Variants in OR52N4 observed in about 807,000 individuals in gnomAD.
OR52N4 encodes the protein olfactory receptor family 52 subfamily N member 4, also known as olfactory receptor 52N4.
Under a neutral mutation model 15.0 loss-of-function variants are expected in OR52N4, and 15 were observed. That is an observed-to-expected ratio of 1.00 (90% CI 0.67 to 1.54). The LOEUF (loss-of-function observed/expected upper bound fraction) is 1.54. OR52N4 is among the 40% of genes most tolerant of loss of function. OR52N4 has a pLI of 0.00. For synonymous variants in OR52N4, 143 were observed against 143.7 expected, an observed-to-expected ratio of 1.00 and a Z score of 0.03; for missense variants, 421 against 394.0, an observed-to-expected ratio of 1.07 and a Z score of -0.58.
the OR52N4 span, among the ~76,000 whole-genome samples, chr11:5,742,865 T>C: frequency 6.6e-6 from 1 of 152,028 alleles, no homozygotes; most frequent in African/African-American, 2.4e-5. Context: ...ACAATGAACA[T>C]CATGACAAGA....
chr11:5,733,445 C>T, the OR52N4 span, among the ~76,000 whole-genome samples: 1 of 152,146 alleles, frequency 6.6e-6, no homozygotes, highest in African/African-American at 2.4e-5. Context: ...CCCACCCCAA[C>T]ACACACACCA....
the OR52N4 span, among the ~76,000 whole-genome samples, chr11:5,745,669 C>A: frequency 1.3e-5 from 2 of 152,116 alleles, no homozygotes; most frequent in Non-Finnish European, 2.9e-5. Flanking sequence ...TTACCAATAT[C>A]ATTTTTCACA....
the OR52N4 span, among the ~76,000 whole-genome samples, chr11:5,748,813 C>G: frequency 6.6e-6 from 1 of 151,994 alleles, no homozygotes; most frequent in Non-Finnish European, 1.5e-5. Context: ...AGTATTAAAT[C>G]CTAGTCTTTA....
Position 5,754,918 on chromosome 11 carries a change from C to A in OR52N4, c.178C>A (p.Pro60Thr), listed in dbSNP as rs750704734. 6.8e-6 allele frequency: 11 copies of A among 1,613,694 alleles called. No individual in the cohort carries two copies. The highest frequency in any genetic ancestry group is 9.3e-6 in the Non-Finnish European group (11 of 1,179,794). The change falls in exon 2 of 2, where the codon CCC becomes ACC. Residue 60 changes from proline to threonine, a missense_variant. Transcript: ENST00000641350. Reference protein sequence around the residue: ...LIHYEDALHKPMYYFLAMLSF... With the variant: ...LIHYEDALHKTMYYFLAMLSF... ...TCACTATGAGGATGCCCTGCACAAA[C>A]CCATGTACTACTTCTTGGCCATGCT...
At chr11:5,737,580 T>A in the OR52N4 span, 2 of 1,185,366 alleles carry the variant, frequency 1.7e-6, no homozygotes, top group Non-Finnish European at 2.3e-6. Context: ...GTGAATACCT[T>A]TGGGATTCCC....
chr11:5,752,818 C>G (rs1309398893), upstream of OR52N4, among the ~76,000 whole-genome samples: 2 of 152,098 alleles, frequency 1.3e-5, no homozygotes, highest in African/African-American at 4.8e-5. Flanking sequence ...CTCTCTCTCA[C>G]TTTTTAAAAA....
At chr11:5,736,472 T>C in the OR52N4 span, 8 of 1,576,760 alleles carry the variant, frequency 5.1e-6, no homozygotes, top group African/African-American at 8.1e-5. Flanking sequence ...CAACCTGTGA[T>C]AACTGAGAAC....
the OR52N4 span, among the ~76,000 whole-genome samples, chr11:5,730,057 T>G: frequency 3.9e-5 from 6 of 152,156 alleles, 1 homozygote; most frequent in South Asian, 1.2e-3. Context: ...TAAATGAAAG[T>G]TCATGAAAAA....
the OR52N4 span, among the ~76,000 whole-genome samples, chr11:5,745,899 T>C: frequency 2.0e-5 from 3 of 152,142 alleles, no homozygotes; most frequent in African/African-American, 7.2e-5. Context: ...CCAAAATGCA[T>C]GGTAACAACA....
At chr11:5,733,326 A>C in the OR52N4 span, among the ~76,000 whole-genome samples, 22 of 152,230 alleles carry the variant, frequency 1.4e-4, no homozygotes, top group African/African-American at 5.3e-4. Context: ...TTGTTGTTAC[A>C]CTGAGATTAC....
chr11:5,746,122 C>T, the OR52N4 span, among the ~76,000 whole-genome samples: 15 of 152,120 alleles, frequency 9.9e-5, no homozygotes, highest in Admixed American at 9.2e-4. Context: ...GAGCCTGAAC[C>T]TCTATCTCTC....
the OR52N4 span, among the ~76,000 whole-genome samples, chr11:5,731,302 A>G: frequency 6.6e-6 from 1 of 152,218 alleles, no homozygotes; most frequent in Non-Finnish European, 1.5e-5. Flanking sequence ...TCCACTTCTC[A>G]TTCATTGTAA....
upstream of OR52N4, among the ~76,000 whole-genome samples, chr11:5,751,526 T>C (rs564246937): frequency 7.2e-5 from 11 of 152,232 alleles, 1 homozygote; most frequent in East Asian, 1.5e-3. Flanking sequence ...ATTGTGGCTT[T>C]GCCATTACTT....
rs1262099769 is a variant in OR52N4 at position 5,755,849 on chromosome 11, T to C, written c.*143T>C. On this transcript the variant is annotated 3_prime_UTR_variant, in exon 2 of 2. Coordinates refer to ENST00000641350, the MANE Select transcript of OR52N4 (RefSeq NM_001005175.5). The stretch of plus-strand genomic sequence containing the variant: ...ACTGGTGCATTCTCAATAAGTACCT[T>C]GGGAATCTCAACATCATTGGAAGGC... The C allele has an allele frequency of 7.1e-6, 7 of 991,118 alleles. No individual in the cohort carries two copies. Among genetic ancestry groups the C allele is most frequent in the Non-Finnish European group, 1.0e-5 (7 of 695,316 alleles). The allele number at this position is 991,118 out of a possible 1,614,324, so 61.4% of individuals were successfully genotyped here. A position where few individuals can be genotyped will look rare whatever the true frequency, so the allele number is the denominator to read the frequency against.
chr11:5,734,030 A>G, the OR52N4 span: 1 of 346,058 alleles, frequency 2.9e-6, no homozygotes, highest in Non-Finnish European at 5.7e-6. Context: ...CATGTCTGCA[A>G]ATGAGATCTA....
chr11:5,744,548 A>G, the OR52N4 span, among the ~76,000 whole-genome samples: 1 of 152,220 alleles, frequency 6.6e-6, no homozygotes, highest in East Asian at 1.9e-4. Flanking sequence ...AGGTAGTTCA[A>G]CAAATGCAAA....
At chr11:5,731,729 C>A in the OR52N4 span, among the ~76,000 whole-genome samples, 19 of 152,118 alleles carry the variant, frequency 1.2e-4, no homozygotes, top group Admixed American at 1.2e-3. Context: ...AAGTGGCTCT[C>A]ATCACCCCTC....
chr11:5,748,137 A>C, the OR52N4 span, among the ~76,000 whole-genome samples: 1 of 151,922 alleles, frequency 6.6e-6, no homozygotes, highest in Non-Finnish European at 1.5e-5. Context: ...GAAATGGACT[A>C]GTTTTATAAT....
chr11:5,748,190 T>C, the OR52N4 span, among the ~76,000 whole-genome samples: 1,313 of 152,054 alleles, frequency 8.6e-3, 18 homozygotes, highest in African/African-American at 0.029. Context: ...TGCAACATGA[T>C]GATTTTTGTT....
Sources: gnomAD v4.1 joint callset for allele counts (sites outside exome capture counted in the v4.1 genomes callset) on GRCh38, gnomAD v4.1.1 for gene constraint, MANE v1.5 for transcripts, NCBI Gene and HGNC (gene_info 2026-07-23, HGNC 2026-07-21) for gene names.